HHAT: variants seen among roughly 807,000 people sequenced by gnomAD.
HHAT encodes the protein hedgehog acyltransferase.
Under a neutral mutation model 70.8 loss-of-function variants are expected in HHAT, and 47 were observed. That is an observed-to-expected ratio of 0.66 (90% CI 0.53 to 0.85). The LOEUF (loss-of-function observed/expected upper bound fraction) is 0.85, where lower values mean the gene tolerates loss of function less well. Among genes scored for constraint, HHAT ranks in the 40% least tolerant of loss-of-function variants. The pLI, the probability that HHAT is intolerant of heterozygous loss-of-function variation, is 0.00. For missense variants in HHAT, 609 were observed against 604.8 expected, an observed-to-expected ratio of 1.01 and a Z score of -0.07; for synonymous variants, 228 against 247.6, an observed-to-expected ratio of 0.92 and a Z score of 0.74.
chr1:210,522,734 G>A (rs1033150937), intron 9 of HHAT, among the ~76,000 whole-genome samples: 8 of 152,040 alleles, frequency 5.3e-5, no homozygotes, highest in Non-Finnish European at 8.8e-5. Context: ...TGGAAATGAT[G>A]GAAACTCAAG....
intron 9 of HHAT, among the ~76,000 whole-genome samples, chr1:210,581,851 G>A (rs566791898): frequency 2.0e-5 from 3 of 152,162 alleles, no homozygotes; most frequent in South Asian, 2.1e-4. Context: ...AAAGCTATTC[G>A]AGGCTATCAG....
intron 10 of HHAT, among the ~76,000 whole-genome samples, chr1:210,615,222 T>A (rs1320318307): frequency 6.6e-6 from 1 of 152,252 alleles, no homozygotes; most frequent in Non-Finnish European, 1.5e-5. Context: ...TTTTGAGAAG[T>A]GTCTGTTCAT....
intron 4 of HHAT, among the ~76,000 whole-genome samples, 164 bp downstream of exon 4, chr1:210,387,745 A>G (rs2091191785): frequency 6.6e-6 from 1 of 152,224 alleles, no homozygotes; most frequent in Non-Finnish European, 1.5e-5. Context: ...AAAAGTTCAT[A>G]GTTCATATCC....
intron 1 of HHAT, among the ~76,000 whole-genome samples, chr1:210,346,063 C>T (rs1449798855): frequency 1.5e-5 from 2 of 132,720 alleles, no homozygotes; most frequent in Non-Finnish European, 3.1e-5. Context: ...GACCCTGTCT[C>T]CAGGAAGAAA....
At chr1:210,600,675 CT>C (rs1030066594) in intron 10 of HHAT, among the ~76,000 whole-genome samples, 9 of 152,126 alleles carry the variant, frequency 5.9e-5, no homozygotes, top group African/African-American at 2.2e-4. Flanking sequence ...GAGCACTGTG[CT>C]TTTTCTCTGT....
intron 9 of HHAT, among the ~76,000 whole-genome samples, chr1:210,515,549 A>C (rs912010137): frequency 2.0e-5 from 3 of 148,648 alleles, no homozygotes; most frequent in African/African-American, 7.5e-5. Context: ...TGAGGTCAGG[A>C]GATCGAGACC....
chr1:210,578,916 A>G (rs1474202704), intron 9 of HHAT, among the ~76,000 whole-genome samples: 2 of 152,242 alleles, frequency 1.3e-5, no homozygotes, highest in Non-Finnish European at 2.9e-5. Flanking sequence ...CTAAAAGCCC[A>G]TCAATGGCAG....
intron 3 of HHAT, among the ~76,000 whole-genome samples, chr1:210,372,780 G>GTTTT (rs56121731): frequency 5.1e-4 from 71 of 140,248 alleles, no homozygotes; most frequent in East Asian, 1.9e-3. Flanking sequence ...CAAGGGAGGT[G>GTTTT]TTTTTTTTTT....
intron 8 of HHAT, among the ~76,000 whole-genome samples, chr1:210,490,021 A>G (rs1396298303): frequency 1.3e-5 from 2 of 152,264 alleles, no homozygotes; most frequent in Non-Finnish European, 2.9e-5. Context: ...AAGGAAGCAA[A>G]GAATTTAGTG....
Position 210,346,114 on chromosome 1 carries a change from C to T in HHAT, c.-43-2819C>T, listed in dbSNP as rs144926410. Among the ~76,000 whole-genome samples, 221 of 151,524 alleles carry T rather than the reference C, an allele frequency of 1.5e-3. 4 individuals carry two copies. The East Asian group carries it at 0.039, about 27-fold the overall frequency. ...GCACCAAAATGAAAAATTATTAAAC[C>T]GAATTTTCTAGTTCCCTGAGGATTA... is the stretch of plus-strand genomic sequence containing the variant. On this transcript the variant is annotated intron_variant, in intron 1 of 11. Coordinates refer to ENST00000261458, the MANE Select transcript of HHAT (RefSeq NM_018194.6).
intron 7 of HHAT, among the ~76,000 whole-genome samples, chr1:210,451,087 C>CA (rs36045825): frequency 0.029 from 2,644 of 91,470 alleles, 73 homozygotes; most frequent in East Asian, 0.17. Context: ...ACTCCATCTC[C>CA]AAAAAAAAAA....
Position 210,549,422 on chromosome 1 carries a change from T to C in HHAT, c.1043+36234T>C, listed in dbSNP as rs536389046. ...TTTATATTCAGAGTCCATGGTTCTC[T>C]GAAGTCTAGGGTAAGCTGGCAGGAC... On this transcript the variant is annotated intron_variant, in intron 9 of 11. Coordinates refer to ENST00000261458, the MANE Select transcript of HHAT (RefSeq NM_018194.6). Among the ~76,000 whole-genome samples, 62 of 148,744 alleles carry C rather than the reference T, an allele frequency of 4.2e-4. 1 individual carries two copies. Among genetic ancestry groups the C allele is most frequent in the Non-Finnish European group, 7.1e-4 (48 of 67,854 alleles).
intron 11 of HHAT, among the ~76,000 whole-genome samples, chr1:210,638,555 G>T (rs1163040621): frequency 1.3e-5 from 2 of 151,998 alleles, no homozygotes; most frequent in Admixed American, 6.6e-5. Context: ...ATGGGCATGG[G>T]TTTCTTTTTA....
intron 7 of HHAT, among the ~76,000 whole-genome samples, chr1:210,461,869 G>T (rs191071227): frequency 4.8e-4 from 73 of 152,172 alleles, no homozygotes; most frequent in African/African-American, 1.6e-3. Context: ...TAGAGCACTT[G>T]TATGACTTCT....
chr1:210,417,891 G>A (rs566600567), intron 6 of HHAT, among the ~76,000 whole-genome samples: 158 of 152,170 alleles, frequency 1.0e-3, no homozygotes, highest in Non-Finnish European at 1.4e-3. Flanking sequence ...GGAGTGGAGG[G>A]ATCAGTGCAG....
intron 10 of HHAT, among the ~76,000 whole-genome samples, chr1:210,609,523 T>C (rs1666174812): frequency 6.6e-6 from 1 of 152,142 alleles, no homozygotes. Context: ...TTTCAACTTT[T>C]AAGTTTAGGG....
At chr1:210,576,723 AAG>A (rs1233151757) in intron 9 of HHAT, among the ~76,000 whole-genome samples, 1 of 152,186 alleles carries the variant, frequency 6.6e-6, no homozygotes, top group Non-Finnish European at 1.5e-5. Flanking sequence ...TCCTTGAATG[AAG>A]TATGCTGCTG....
At chr1:210,645,765 C>G (rs562192021) in intron 11 of HHAT, among the ~76,000 whole-genome samples, 1 of 152,210 alleles carries the variant, frequency 6.6e-6, no homozygotes, top group Non-Finnish European at 1.5e-5. Context: ...GTTGCCCAGG[C>G]CTTCCTGATA....
intron 11 of HHAT, among the ~76,000 whole-genome samples, chr1:210,660,968 A>C (rs1420111724): frequency 6.6e-6 from 1 of 152,224 alleles, no homozygotes; most frequent in Admixed American, 6.5e-5. Flanking sequence ...AAAACCCTAG[A>C]AGAAAACCTA....
Sources: allele counts gnomAD v4.1 joint callset (sites outside exome capture counted in the v4.1 genomes callset), GRCh38; gene constraint gnomAD v4.1.1; transcripts MANE v1.5; gene names NCBI Gene and HGNC (gene_info 2026-07-23, HGNC 2026-07-21).